The following THRAP3 variants were observed in gnomAD, a reference collection of about 807,000 sequenced individuals.
THRAP3 encodes thyroid hormone receptor associated protein 3.
In THRAP3, 16 loss-of-function variants were observed where a neutral mutation model predicts 101.0. That is an observed-to-expected ratio of 0.16 (90% CI 0.11 to 0.24). The LOEUF (loss-of-function observed/expected upper bound fraction) is 0.24. Among genes scored for constraint, THRAP3 ranks in the 10% least tolerant of loss-of-function variants. The probability of loss-of-function intolerance (pLI) is 1.00; values close to 1 mark genes in which losing one functional copy is unlikely to be tolerated. For missense variants in THRAP3, 989 were observed against 1,202.7 expected (o/e 0.82, Z 2.63); for synonymous variants, 407 against 422.6 (o/e 0.96, Z 0.45).
At chr1:36,219,347 G>A in the THRAP3 span, among the ~76,000 whole-genome samples, 1 of 152,238 alleles carries the variant, frequency 6.6e-6, no homozygotes, top group Non-Finnish European at 1.5e-5. Context: ...TGCTGATGTA[G>A]AAACTGAATC....
At chr1:36,214,865 A>T in the THRAP3 span, among the ~76,000 whole-genome samples, 103 of 151,622 alleles carry the variant, frequency 6.8e-4, no homozygotes, top group Admixed American at 1.6e-3. Flanking sequence ...TCTCAAAAAA[A>T]AAATAAATAA....
chr1:36,225,077 A>G (rs958468338), intron 1 of THRAP3: 4 of 152,240 alleles, frequency 2.6e-5, no homozygotes, highest in African/African-American at 9.6e-5. Context: ...TCCAGTGGCA[A>G]TCGGCGTGAG....
At chr1:36,296,498 T>C (rs1645952960) in intron 8 of THRAP3, 85 bp from the exon 9 acceptor site, 6 of 1,138,266 alleles carry the variant, frequency 5.3e-6, no homozygotes, top group Non-Finnish European at 6.2e-6. Flanking sequence ...CACCCCTCCA[T>C]TGGAGTAAAA....
intron 6 of THRAP3, among the ~76,000 whole-genome samples, chr1:36,292,379 C>G (rs972379809): frequency 1.4e-5 from 2 of 144,524 alleles, no homozygotes; most frequent in Non-Finnish European, 3.0e-5. Context: ...TCACGACATT[C>G]TTCTGCCTCA....
intron 2 of THRAP3, among the ~76,000 whole-genome samples, chr1:36,266,667 C>G (rs1645518105): frequency 6.6e-6 from 1 of 152,120 alleles, no homozygotes; most frequent in African/African-American, 2.4e-5. Context: ...TAGCCAAGCT[C>G]TAACTTGCTC....
chr1:36,214,831 C>T, the THRAP3 span, among the ~76,000 whole-genome samples: 1 of 151,276 alleles, frequency 6.6e-6, no homozygotes, highest in African/African-American at 2.4e-5. Flanking sequence ...TGCACTCCAG[C>T]CTGGGCAACA....
intron 1 of THRAP3, among the ~76,000 whole-genome samples, chr1:36,244,607 T>C (rs1645209060): frequency 6.6e-6 from 1 of 152,236 alleles, no homozygotes; most frequent in African/African-American, 2.4e-5. Context: ...TTGAATGCCA[T>C]GTATGTGTAA....
At position 36,304,128 on chromosome 1, in the gene THRAP3, C is replaced by T; in HGVS notation, c.*111C>T. ...AGATTCTGAAAATCCTACCCCCACC[C>T]CCCACCAGCCGCACAGATTGTACTA... On this transcript the variant is annotated 3_prime_UTR_variant, in exon 12 of 12. Transcript: ENST00000354618. 7.1e-7 allele frequency: 1 copy of T among 1,405,908 alleles called. No individual in the cohort carries two copies. The highest frequency in any genetic ancestry group is 9.4e-7 in the Non-Finnish European group (1 of 1,065,418). The allele number at this position is 1,405,908 out of a possible 1,614,324, so 87.1% of individuals were successfully genotyped here. A position where few individuals can be genotyped will look rare whatever the true frequency, so the allele number is the denominator to read the frequency against.
Position 36,301,588 on chromosome 1 carries a change from C to G in THRAP3, c.2538C>G (p.Gly846=). The G allele has an allele frequency of 1.9e-6, 3 of 1,614,122 alleles. No homozygotes were observed. Among genetic ancestry groups the G allele is most frequent in the Non-Finnish European group, 2.5e-6 (3 of 1,180,006 alleles). ...FRARGRGWGR[G]NYSGNNNNNS... ...CCAGAGGAAGAGGCTGGGGCAGAGG[C>G]AACTACTCTGGGAACAATAACAACA... Residue 846 remains glycine (G), a synonymous_variant, in exon 11 of 12, where the codon GGC becomes GGG. Coordinates refer to ENST00000354618, the MANE Select transcript of THRAP3 (RefSeq NM_005119.4).
chr1:36,293,028 CTTTT>C (rs71053920), intron 7 of THRAP3, among the ~76,000 whole-genome samples: 18 of 82,796 alleles, frequency 2.2e-4, no homozygotes, highest in South Asian at 1.0e-3. Context: ...CTTTTCTTGT[CTTTT>C]TTTTTTTTTT....
intron 2 of THRAP3, among the ~76,000 whole-genome samples, chr1:36,281,578 CT>C (rs11331243): frequency 0.79 from 115,223 of 145,172 alleles, 46,738 homozygotes; most frequent in East Asian, 0.92. Context: ...GTCATTTCAT[CT>C]TTTTTTTTTT....
intron 9 of THRAP3, among the ~76,000 whole-genome samples, chr1:36,298,195 G>A (rs72663432): frequency 0.019 from 2,870 of 148,572 alleles, 45 homozygotes; most frequent in Non-Finnish European, 0.031. Context: ...CCTCAAACAC[G>A]GATCTTTTGT....
intron 2 of THRAP3, among the ~76,000 whole-genome samples, chr1:36,269,939 A>C (rs976644238): frequency 6.6e-6 from 1 of 152,150 alleles, no homozygotes; most frequent in Admixed American, 6.6e-5. Flanking sequence ...GGAGCTGCAG[A>C]AACTGGCTTT....
rs190397374 is a variant in THRAP3 at position 36,268,142 on chromosome 1, A to C, written c.-32+8658A>C. ...TTGTAGTGAGCCGAGATCATGTGCC[A>C]CTGTACTCCAGCCTGGGCAACAGTG... On this transcript the variant is annotated intron_variant, in intron 2 of 11. Coordinates refer to ENST00000354618, the MANE Select transcript of THRAP3 (RefSeq NM_005119.4). Among the ~76,000 whole-genome samples the C allele has an allele frequency of 2.1e-3, 318 of 152,076 alleles. 1 individual carries two copies. The highest frequency in any genetic ancestry group is 7.0e-3 in the African/African-American group (290 of 41,498).
At chr1:36,297,089 A>G (rs72663431) in intron 9 of THRAP3, among the ~76,000 whole-genome samples, 7 of 152,308 alleles carry the variant, frequency 4.6e-5, no homozygotes, top group African/African-American at 9.6e-5. Context: ...TTCATCACAC[A>G]TTTTCATGGG....
intron 1 of THRAP3, among the ~76,000 whole-genome samples, chr1:36,258,933 A>T (rs1645409789): frequency 6.6e-6 from 1 of 152,246 alleles, no homozygotes; most frequent in Non-Finnish European, 1.5e-5. Context: ...GGGAATAGAC[A>T]ACTGGAGCAG....
At chr1:36,222,688 C>A (rs1557798332), upstream of THRAP3, among the ~76,000 whole-genome samples, 1 of 152,034 alleles carries the variant, frequency 6.6e-6, no homozygotes. Context: ...GGATTACCGG[C>A]GTGAGCCACC....
intron 2 of THRAP3, among the ~76,000 whole-genome samples, chr1:36,267,346 C>T (rs1455949340): frequency 1.3e-5 from 2 of 152,166 alleles, no homozygotes; most frequent in East Asian, 1.9e-4. Flanking sequence ...ATGTTCCCCT[C>T]TATTCGTGTA....
At chr1:36,302,118 C>T (rs138973261) in intron 11 of THRAP3, among the ~76,000 whole-genome samples, 106 of 152,300 alleles carry the variant, frequency 7.0e-4, no homozygotes, top group African/African-American at 2.5e-3. Context: ...GGATGTCTCT[C>T]CAAAATGAAA....
Sources: gnomAD v4.1 joint callset for allele counts (sites outside exome capture counted in the v4.1 genomes callset) on GRCh38, gnomAD v4.1.1 for gene constraint, MANE v1.5 for transcripts, NCBI Gene and HGNC (gene_info 2026-07-23, HGNC 2026-07-21) for gene names.